The following LMX1A variants were observed in gnomAD, a reference collection of about 807,000 sequenced individuals.
The protein encoded by LMX1A is LIM homeobox transcription factor 1 alpha, also known as LIM homeobox transcription factor 1-alpha.
Under a neutral mutation model 49.1 loss-of-function variants are expected in LMX1A, and 15 were observed. That is an observed-to-expected ratio of 0.31 (90% confidence interval 0.20 to 0.47). LMX1A has a LOEUF of 0.47. LMX1A is among the 20% of genes least tolerant of loss of function. LMX1A has a pLI of 1.00. For synonymous variants in LMX1A, 167 were observed against 185.7 expected (o/e 0.90, Z 0.82); for missense variants, 372 against 475.8 (o/e 0.78, Z 2.03).
At chr1:165,263,903 G>A (rs1305106383) in intron 3 of LMX1A, among the ~76,000 whole-genome samples, 2 of 152,146 alleles carry the variant, frequency 1.3e-5, no homozygotes, top group African/African-American at 4.8e-5. Flanking sequence ...TAAAAGCTCT[G>A]TGTGACTACA....
rs201386365 is a variant in LMX1A, at chr1:165,346,322, C to A, written c.263+6754G>T. Among the ~76,000 whole-genome samples the A allele has an allele frequency of 2.0e-5, 3 of 152,194 alleles. No homozygotes were observed. In the East Asian group the frequency reaches 5.8e-4, roughly 29 times the overall value. Reference sequence around the variant, plus strand: ...GTTATCCAAAAATAGGATCCCCAAACTGGAATCTTGAAAGGCTGGAAGAGA... The same window carrying A: ...GTTATCCAAAAATAGGATCCCCAAAATGGAATCTTGAAAGGCTGGAAGAGA... On this transcript the variant is annotated intron_variant, in intron 3 of 8. Coordinates refer to ENST00000342310, the MANE Select transcript of LMX1A (RefSeq NM_177398.4).
At chr1:165,204,920 G>T (rs1293289474) in intron 8 of LMX1A, among the ~76,000 whole-genome samples, 1 of 152,142 alleles carries the variant, frequency 6.6e-6, no homozygotes, top group Non-Finnish European at 1.5e-5. Context: ...CCAGTGAAGG[G>T]CTTGTCAAGG....
Position 165,331,097 on chromosome 1 carries a change from C to T in LMX1A, c.263+21979G>A, listed in dbSNP as rs569367908. Among the ~76,000 whole-genome samples, 3 of 152,232 alleles carry T rather than the reference C, an allele frequency of 2.0e-5. No individual in the cohort carries two copies. The East Asian group carries it at 5.8e-4, about 29-fold the overall frequency. ...TATTGATAATGTGTCATGTCCAGGACACAATTTAAAATTATTAACATGACC... is the reference window on the plus strand; with the variant it reads ...TATTGATAATGTGTCATGTCCAGGATACAATTTAAAATTATTAACATGACC... On this transcript the variant is annotated intron_variant, in intron 3 of 8. Coordinates refer to ENST00000342310, the MANE Select transcript of LMX1A (RefSeq NM_177398.4).
chr1:165,256,522 T>G (rs1303496752), intron 3 of LMX1A, among the ~76,000 whole-genome samples: 1 of 152,166 alleles, frequency 6.6e-6, no homozygotes, highest in African/African-American at 2.4e-5. Flanking sequence ...TGACACTGCC[T>G]TGCTATGGTA....
chr1:165,354,249 C>G (rs1022201610), intron 2 of LMX1A, among the ~76,000 whole-genome samples: 3 of 152,174 alleles, frequency 2.0e-5, no homozygotes, highest in African/African-American at 7.2e-5. Context: ...TTCTCCCCTT[C>G]CGAGAGGCCC....
At position 165,210,767 on chromosome 1, in the gene LMX1A, T is replaced by C; in HGVS notation, c.679A>G (p.Thr227Ala). 1 of 1,613,380 alleles carries C rather than the reference T, an allele frequency of 6.2e-7. No homozygotes were observed. The highest frequency in any genetic ancestry group is 8.5e-7 in the Non-Finnish European group (1 of 1,179,612). The change falls in exon 6 of 9, where the codon ACT becomes GCT. Residue 227 changes from threonine to alanine, a missense_variant. This residue lies in a region of LMX1A where 46 missense variants were observed against 93.8 expected (regional missense o/e 0.49). Transcript: ENST00000342310. The part of the protein sequence containing the change: ...SSKPCRKVRE[T>A]LAAETGLSVR... ...CTCAGCCCTGTCTCTGCAGCCAGAGTCTCTCTCACCTTGGAAAAATTGAAC... is the reference window on the plus strand; with the variant it reads ...CTCAGCCCTGTCTCTGCAGCCAGAGCCTCTCTCACCTTGGAAAAATTGAAC...
intron 3 of LMX1A, among the ~76,000 whole-genome samples, chr1:165,282,594 C>T (rs886744688): frequency 2.6e-5 from 4 of 152,102 alleles, no homozygotes; most frequent in African/African-American, 4.8e-5. Flanking sequence ...ATATGGAGGC[C>T]GACTGTGTAA....
intron 3 of LMX1A, among the ~76,000 whole-genome samples, chr1:165,290,441 C>T (rs896949070): frequency 6.7e-6 from 1 of 149,872 alleles, no homozygotes; most frequent in Admixed American, 6.6e-5. Flanking sequence ...ACATTGCCTT[C>T]GTGTGTGTGT....
chr1:165,225,794 C>T (rs977260071), intron 4 of LMX1A, among the ~76,000 whole-genome samples: 1 of 152,192 alleles, frequency 6.6e-6, no homozygotes, highest in Non-Finnish European at 1.5e-5. Flanking sequence ...GGAACCACAC[C>T]TTTAGAATCA....
chr1:165,327,463 G>A (rs551048724), intron 3 of LMX1A, among the ~76,000 whole-genome samples: 31 of 152,332 alleles, frequency 2.0e-4, no homozygotes, highest in African/African-American at 7.0e-4. Context: ...CCCTCTGAGC[G>A]TGCAGAACCA....
At chr1:165,297,464 T>C (rs1434945633) in intron 3 of LMX1A, among the ~76,000 whole-genome samples, 1 of 152,178 alleles carries the variant, frequency 6.6e-6, no homozygotes, top group Non-Finnish European at 1.5e-5. Context: ...TTAGTGGAAG[T>C]TGAAACAGTC....
In LMX1A at chr1:165,355,647, C is replaced by T; in HGVS notation, c.-22-66G>A. 1.6e-6 allele frequency: 2 copies of T among 1,242,326 alleles called. No homozygotes were observed. The highest frequency in any genetic ancestry group is 1.2e-6 in the Non-Finnish European group (1 of 862,834). The allele number at this position is 1,242,326 out of a possible 1,614,324, so 77.0% of individuals were successfully genotyped here. A position where few individuals can be genotyped will look rare whatever the true frequency, so the allele number is the denominator to read the frequency against. ...GCTGGGACTCGGCGCCAGCAGCCAC[C>T]GCACTCCTGGGAAAGAACTGAGGGA... On this transcript the variant is annotated intron_variant, in intron 1 of 8. Transcript: ENST00000342310. This position sits in a 1 kb window ranked among gnomAD's most constrained non-coding sequence, Gnocchi z 4.7.
chr1:165,236,805 A>C (rs1571168284), intron 4 of LMX1A, among the ~76,000 whole-genome samples: 1 of 147,656 alleles, frequency 6.8e-6, no homozygotes, highest in Middle Eastern at 3.6e-3. Flanking sequence ...CCCAGGCTGC[A>C]CCCCAGACCA....
At chr1:165,279,004 G>A (rs1473485791) in intron 3 of LMX1A, among the ~76,000 whole-genome samples, 1 of 152,222 alleles carries the variant, frequency 6.6e-6, no homozygotes, top group Non-Finnish European at 1.5e-5. Flanking sequence ...AAAGAAGGTA[G>A]GCTTCTCTCT....
chr1:165,231,251 T>C (rs1276706854), intron 4 of LMX1A, among the ~76,000 whole-genome samples: 1 of 151,996 alleles, frequency 6.6e-6, no homozygotes, highest in East Asian at 1.9e-4. Flanking sequence ...AAATACTTTT[T>C]TGAGGGTGTT....
At chr1:165,353,350 C>T in intron 2 of LMX1A, 88 bp from the exon 3 acceptor site, 2 of 1,051,332 alleles carry the variant, frequency 1.9e-6, no homozygotes, top group Non-Finnish European at 2.7e-6. Context: ...GATCCCTTCA[C>T]ATCCACGGAT....
chr1:165,229,734 T>C (rs1405355628), intron 4 of LMX1A, among the ~76,000 whole-genome samples: 1 of 152,150 alleles, frequency 6.6e-6, no homozygotes, highest in African/African-American at 2.4e-5. Flanking sequence ...TTTTTTTGTT[T>C]TTTGTTGTTG....
chr1:165,304,311 C>T (rs762285823), intron 3 of LMX1A, among the ~76,000 whole-genome samples: 40 of 152,130 alleles, frequency 2.6e-4, no homozygotes, highest in Non-Finnish European at 4.1e-4. Context: ...ATCTTGTCCT[C>T]CAAGATTGTA....
intron 4 of LMX1A, among the ~76,000 whole-genome samples, chr1:165,248,008 G>C (rs1652919234): frequency 6.6e-6 from 1 of 152,240 alleles, no homozygotes; most frequent in Admixed American, 6.5e-5. Flanking sequence ...TGGGAATATA[G>C]TGGTAAATAA....
Sources: allele counts gnomAD v4.1 joint callset (sites outside exome capture counted in the v4.1 genomes callset), GRCh38; gene constraint gnomAD v4.1.1; regional missense constraint gnomAD v4.1.1; non-coding constraint Gnocchi (gnomAD v3.1); transcripts MANE v1.5; gene names NCBI Gene and HGNC (gene_info 2026-07-23, HGNC 2026-07-21).